Variants in KRTAP9-6 observed in about 807,000 individuals in gnomAD.
KRTAP9-6 encodes keratin-associated protein 9-6.
KRTAP9-6 carries 5 observed loss-of-function variants against 11.3 expected under a neutral mutation model. That is an observed-to-expected ratio of 0.44 (90% CI 0.23 to 0.93). The LOEUF is 0.93. Ranked by LOEUF, KRTAP9-6 falls within the 40% of genes least tolerant of loss-of-function variation. The pLI, the probability that KRTAP9-6 is intolerant of heterozygous loss-of-function variation, is 0.23. For missense variants in KRTAP9-6, 81 were observed against 159.6 expected, an observed-to-expected ratio of 0.51 and a Z score of 2.65; for synonymous variants, 37 against 57.8, an observed-to-expected ratio of 0.64 and a Z score of 1.63.
chr17:41,265,486 T>A, exon 1 of KRTAP9-6: 1 of 1,612,394 alleles, frequency 6.2e-7, no homozygotes, highest in South Asian at 1.1e-5. Context: ...CAGCACACCC[T>A]GCTGCCAGCC....
chr17:41,265,416 C>T (rs1018369979), exon 1 of KRTAP9-6: 2 of 1,612,186 alleles, frequency 1.2e-6, no homozygotes, highest in African/African-American at 2.7e-5. Context: ...AGCCTACCTG[C>T]TGCAGGACCA....
exon 1 of KRTAP9-6, chr17:41,265,403 G>A: frequency 6.2e-7 from 1 of 1,611,972 alleles, no homozygotes; most frequent in Non-Finnish European, 8.5e-7. Flanking sequence ...TCCCCTGGCT[G>A]TCAGCCTACC....
chr17:41,265,410 T>C (rs2144145482), exon 1 of KRTAP9-6: 1 of 1,612,162 alleles, frequency 6.2e-7, no homozygotes, highest in South Asian at 1.1e-5. Context: ...GCTGTCAGCC[T>C]ACCTGCTGCA....
chr17:41,265,525 C>G (rs748910470), exon 1 of KRTAP9-6: 9 of 1,576,530 alleles, frequency 5.7e-6, no homozygotes, highest in Non-Finnish European at 7.8e-6. Flanking sequence ...CTGCTGCCAG[C>G]CTTACTGCCA....
chr17:41,265,514 G>A (rs2016454795), exon 1 of KRTAP9-6: 1 of 1,578,262 alleles, frequency 6.3e-7, no homozygotes, highest in Non-Finnish European at 8.7e-7. Flanking sequence ...TGTGTGTCCA[G>A]CTGCTGCCAG....
chr17:41,265,646 G>T, exon 1 of KRTAP9-6: 1 of 1,466,368 alleles, frequency 6.8e-7, no homozygotes, highest in East Asian at 2.4e-5. Flanking sequence ...CAGCCCATCT[G>T]CTGTGGGTCC....
At chr17:41,265,544 G>C in exon 1 of KRTAP9-6, 1 of 1,571,216 alleles carries the variant, frequency 6.4e-7, no homozygotes, top group Non-Finnish European at 8.7e-7. Flanking sequence ...CACCCAACTT[G>C]CTGTCAAAAC....
At chr17:41,265,378 A>T in exon 1 of KRTAP9-6, 2 of 1,610,900 alleles carry the variant, frequency 1.2e-6, no homozygotes, top group Non-Finnish European at 1.7e-6. Context: ...CCCTGACAAC[A>T]TGACCCACTG....
At chr17:41,265,418 G>A (rs1269017026) in exon 1 of KRTAP9-6, 5 of 1,612,212 alleles carry the variant, frequency 3.1e-6, no homozygotes, top group Non-Finnish European at 3.4e-6. Context: ...CCTACCTGCT[G>A]CAGGACCACT....
At chr17:41,265,383 C>T in exon 1 of KRTAP9-6, 2 of 1,611,244 alleles carry the variant, frequency 1.2e-6, no homozygotes, top group South Asian at 1.1e-5. Flanking sequence ...ACAACATGAC[C>T]CACTGTTGCT....
exon 1 of KRTAP9-6, chr17:41,265,391 G>T (rs2016450742): frequency 1.2e-6 from 2 of 1,611,646 alleles, no homozygotes; most frequent in Middle Eastern, 2.2e-4. Flanking sequence ...ACCCACTGTT[G>T]CTCCCCTGGC....
At chr17:41,265,505 G>T (rs747608080) in exon 1 of KRTAP9-6, 2 of 1,587,420 alleles carry the variant, frequency 1.3e-6, no homozygotes, top group Non-Finnish European at 1.7e-6. Flanking sequence ...CCCTCCTGCT[G>T]TGTGTCCAGC....
exon 1 of KRTAP9-6, chr17:41,265,556 C>A: frequency 6.4e-7 from 1 of 1,571,042 alleles, no homozygotes; most frequent in South Asian, 1.1e-5. Flanking sequence ...TGTCAAAACA[C>A]CTGCTGCAGG....
chr17:41,265,398 T>C, exon 1 of KRTAP9-6: 1 of 1,611,868 alleles, frequency 6.2e-7, no homozygotes, highest in Non-Finnish European at 8.5e-7. Context: ...GTTGCTCCCC[T>C]GGCTGTCAGC....
At chr17:41,265,544 G>T (rs2144145921) in exon 1 of KRTAP9-6, 1 of 1,571,216 alleles carries the variant, frequency 6.4e-7, no homozygotes, top group Admixed American at 1.8e-5. Context: ...CACCCAACTT[G>T]CTGTCAAAAC....
exon 1 of KRTAP9-6, chr17:41,265,482 A>G (rs1188571145): frequency 1.2e-6 from 2 of 1,611,772 alleles, no homozygotes; most frequent in East Asian, 4.5e-5. Context: ...GCAGCAGCAC[A>G]CCCTGCTGCC....
chr17:41,265,571 C>T (rs753016498), exon 1 of KRTAP9-6: 2 of 1,597,868 alleles, frequency 1.3e-6, no homozygotes, highest in African/African-American at 2.8e-5. Context: ...TGCAGGACCA[C>T]CTGCTGCCAG....
At chr17:41,265,479 C>G (rs987356333) in exon 1 of KRTAP9-6, 1 of 1,612,454 alleles carries the variant, frequency 6.2e-7, no homozygotes, top group African/African-American at 1.3e-5. Flanking sequence ...CCTGCAGCAG[C>G]ACACCCTGCT....
At chr17:41,265,560 C>T in exon 1 of KRTAP9-6, 1 of 1,572,792 alleles carries the variant, frequency 6.4e-7, no homozygotes, top group South Asian at 1.1e-5. Flanking sequence ...AAAACACCTG[C>T]TGCAGGACCA....
Sources: allele counts gnomAD v4.1 joint callset, GRCh38; gene constraint gnomAD v4.1.1; transcripts MANE v1.5; gene names NCBI Gene and HGNC (gene_info 2026-07-23, HGNC 2026-07-21).